Variants in PCDHGA6 observed in about 807,000 individuals in gnomAD.
PCDHGA6 encodes protocadherin gamma subfamily A, 6.
A neutral mutation model predicts 60.6 loss-of-function variants in PCDHGA6; 41 were observed. The ratio of observed to expected loss-of-function variants is 0.68; its 90% CI spans 0.53 to 0.88. PCDHGA6 has a LOEUF of 0.88. Among genes scored for constraint, PCDHGA6 ranks in the 40% least tolerant of loss-of-function variants. The pLI is 0.00. For synonymous variants in PCDHGA6, 594 were observed against 524.4 expected, an observed-to-expected ratio of 1.13 and a Z score of -1.81; for missense variants, 1,312 against 1,203.0, an observed-to-expected ratio of 1.09 and a Z score of -1.34.
intron 1 of PCDHGA6, chr5:141,468,662 C>G (rs1381049343): frequency 6.6e-6 from 1 of 150,534 alleles, no homozygotes; most frequent in East Asian, 2.0e-4. Context: ...GTCAGGAGAT[C>G]AAGACCATCC....
chr5:141,376,686 T>G (rs543583265), intron 1 of PCDHGA6, 179 bp downstream of exon 1: 153 of 814,322 alleles, frequency 1.9e-4, no homozygotes, highest in Middle Eastern at 1.5e-3. Flanking sequence ...GTTTTTTTTT[T>G]TTTTTTTTTT....
rs1379023118 is a variant in PCDHGA6, at chr5:141,487,609, G to A, written c.2425-7198G>A. ...GCCCACCCTCTGATCTTCTCTATGG[G>A]CTAGAGGTGAGACCTTTGCAGGCTC... On this transcript the variant is annotated intron_variant, in intron 1 of 3. Transcript: ENST00000517434. The surrounding 1 kb of genome is among the most constrained non-coding windows in gnomAD (Gnocchi z 5.0). 1 of 1,614,202 alleles carries A rather than the reference G, an allele frequency of 6.2e-7. No individual in the cohort carries two copies. The highest frequency in any genetic ancestry group is 1.1e-5 in the South Asian group (1 of 91,084).
chr5:141,409,883 C>T lies in PCDHGA6; in HGVS notation c.2424+33376C>T, dbSNP rs530193346. 1.2e-6 allele frequency: 2 copies of T among 1,612,988 alleles called. No individual in the cohort carries two copies. The highest frequency in any genetic ancestry group is 3.3e-5 in the Admixed American group (2 of 59,964). ...GGGAGACCGCAATGACAACGCACCGCGGGTGCTGTACCCAGCTCTGGGTCC... is the reference window on the plus strand; with the variant it reads ...GGGAGACCGCAATGACAACGCACCGTGGGTGCTGTACCCAGCTCTGGGTCC... On this transcript the variant is annotated intron_variant, in intron 1 of 3. Transcript: ENST00000517434.
chr5:141,438,631 TATATAC>T (rs1271580663), intron 1 of PCDHGA6, among the ~76,000 whole-genome samples: 5,390 of 42,476 alleles, frequency 0.13, 146 homozygotes, highest in Non-Finnish European at 0.16. Context: ...TATATATATA[TATATAC>T]ACACACACAC....
intron 1 of PCDHGA6, among the ~76,000 whole-genome samples, chr5:141,456,876 T>C (rs188356008): frequency 1.5e-3 from 222 of 152,196 alleles, no homozygotes; most frequent in African/African-American, 5.2e-3. Flanking sequence ...GGCAGGAGAA[T>C]CGCTTGAACC....
rs200576950 is a variant in PCDHGA6 at position 141,477,475 on chromosome 5, C to T, written c.2425-17332C>T. The T allele has an allele frequency of 1.2e-6, 2 of 1,614,124 alleles. No individual in the cohort carries two copies. Among genetic ancestry groups the T allele is most frequent in the African/African-American group, 2.7e-5 (2 of 75,010 alleles). ...TTCAAGTGTCCGACATCAATGACAACCCTCCACAATCTTCTCAATCTTCCT... is the reference window on the plus strand; with the variant it reads ...TTCAAGTGTCCGACATCAATGACAATCCTCCACAATCTTCTCAATCTTCCT... On this transcript the variant is annotated intron_variant, in intron 1 of 3. Transcript: ENST00000517434. The surrounding 1 kb of genome is among the most constrained non-coding windows in gnomAD (Gnocchi z 4.9).
chr5:141,387,563 A>C (rs1589038442), intron 1 of PCDHGA6: 1 of 438,342 alleles, frequency 2.3e-6, no homozygotes, highest in East Asian at 3.7e-5. Context: ...TTAGGCACAC[A>C]ATTATAATTA....
At chr5:141,478,505 T>C (rs1298083274) in intron 1 of PCDHGA6, 3 of 1,612,032 alleles carry the variant, frequency 1.9e-6, no homozygotes, top group Non-Finnish European at 2.5e-6. Context: ...TCCGGTGTTC[T>C]ATAGGCAGGT....
rs200064261 is a variant in PCDHGA6, at chr5:141,487,515, G to A, written c.2425-7292G>A. 3.7e-5 allele frequency: 59 copies of A among 1,614,018 alleles called. No homozygotes were observed. The highest frequency in any genetic ancestry group is 8.8e-5 in the South Asian group (8 of 91,086). On this transcript the variant is annotated intron_variant, in intron 1 of 3. Coordinates refer to ENST00000517434, the MANE Select transcript of PCDHGA6 (RefSeq NM_018919.3). The surrounding 1 kb of genome is among the most constrained non-coding windows in gnomAD (Gnocchi z 5.0). Reference sequence around the variant, plus strand: ...ACACCCTTGGCTTCTGCACCCACTCGGAGTGATAGCTTCATGATGGTGAAG... The same window carrying A: ...ACACCCTTGGCTTCTGCACCCACTCAGAGTGATAGCTTCATGATGGTGAAG...
chr5:141,414,684 AC>A (rs1561750824), intron 1 of PCDHGA6: 1 of 1,613,924 alleles, frequency 6.2e-7, no homozygotes, highest in Admixed American at 1.7e-5. Flanking sequence ...TCCAGGGGGT[AC>A]CTCTGTCCTC....
intron 1 of PCDHGA6, chr5:141,433,132 T>A (rs1168186406): frequency 6.2e-7 from 1 of 1,614,122 alleles, no homozygotes; most frequent in Non-Finnish European, 8.5e-7. Context: ...GCGAGCCCCT[T>A]TTGCTGTCAG....
intron 1 of PCDHGA6, chr5:141,418,665 A>G: frequency 6.2e-7 from 1 of 1,614,070 alleles, no homozygotes; most frequent in Middle Eastern, 1.6e-4. Flanking sequence ...GCCACTGACC[A>G]GGACGAGGGC....
At chr5:141,445,732 A>G (rs2098475548) in intron 1 of PCDHGA6, among the ~76,000 whole-genome samples, 1 of 152,230 alleles carries the variant, frequency 6.6e-6, no homozygotes, top group African/African-American at 2.4e-5. Context: ...ATGTGTAAAG[A>G]TCTTTTTAAA....
chr5:141,481,312 T>C (rs953898526), intron 1 of PCDHGA6, among the ~76,000 whole-genome samples: 1 of 152,200 alleles, frequency 6.6e-6, no homozygotes, highest in Non-Finnish European at 1.5e-5. Flanking sequence ...AAAACCTTCC[T>C]AAAGCACTAG....
chr5:141,479,733 A>G (rs2099504879), intron 1 of PCDHGA6: 1 of 152,254 alleles, frequency 6.6e-6, no homozygotes, highest in Admixed American at 6.5e-5. Context: ...TTTCTTAAGT[A>G]TATGCACAAT....
intron 1 of PCDHGA6, chr5:141,379,058 G>A (rs533303980): frequency 1.3e-5 from 2 of 152,256 alleles, no homozygotes; most frequent in South Asian, 2.1e-4. Context: ...AGAATGGATT[G>A]GCCACTTGTG....
intron 1 of PCDHGA6, chr5:141,427,787 C>A (rs2097070880): frequency 6.8e-7 from 1 of 1,478,064 alleles, no homozygotes; most frequent in Non-Finnish European, 9.4e-7. Context: ...CACTGTCGTC[C>A]TACGTGTCCG....
At position 141,487,499 on chromosome 5, in the gene PCDHGA6, G is replaced by C; in HGVS notation, c.2425-7308G>C. 6.2e-7 allele frequency: 1 copy of C among 1,614,152 alleles called. No individual in the cohort carries two copies. The highest frequency in any genetic ancestry group is 1.3e-5 in the African/African-American group (1 of 75,042). ...CCACTCTCATGGCTGTACACCCTTG[G>C]CTTCTGCACCCACTCGGAGTGATAG... On this transcript the variant is annotated intron_variant, in intron 1 of 3. Coordinates refer to ENST00000517434, the MANE Select transcript of PCDHGA6 (RefSeq NM_018919.3). The surrounding 1 kb of genome is among the most constrained non-coding windows in gnomAD (Gnocchi z 5.0).
At chr5:141,481,718 C>T (rs942120251) in intron 1 of PCDHGA6, among the ~76,000 whole-genome samples, 6 of 152,082 alleles carry the variant, frequency 3.9e-5, no homozygotes, top group East Asian at 1.9e-4. Context: ...CTTTGGGAGG[C>T]GGAGGCGGGC....
Sources: allele counts gnomAD v4.1 joint callset (sites outside exome capture counted in the v4.1 genomes callset), GRCh38; gene constraint gnomAD v4.1.1; non-coding constraint Gnocchi (gnomAD v3.1); transcripts MANE v1.5; gene names NCBI Gene and HGNC (gene_info 2026-07-23, HGNC 2026-07-21).